Variants in PRDM15 observed in about 807,000 individuals in gnomAD.
PRDM15 encodes PR domain zinc finger protein 15.
PRDM15 carries 64 observed loss-of-function variants against 128.6 expected under a neutral mutation model. The observed-to-expected ratio is 0.50, with a 90% confidence interval of 0.41 to 0.61. The LOEUF (loss-of-function observed/expected upper bound fraction) is 0.61, where lower values mean the gene tolerates loss of function less well. Among genes scored for constraint, PRDM15 ranks in the 20% least tolerant of loss-of-function variants. The pLI is 0.00. For synonymous variants in PRDM15, 615 were observed against 621.8 expected (o/e 0.99, Z 0.16); for missense variants, 1,242 against 1,569.1 (o/e 0.79, Z 3.52).
intron 11 of PRDM15, among the ~76,000 whole-genome samples, chr21:41,830,325 T>C (rs1473395269): frequency 7.1e-6 from 1 of 141,672 alleles, no homozygotes; most frequent in Non-Finnish European, 1.5e-5. Flanking sequence ...ACTCAACACA[T>C]ACACCACACA....
At chr21:41,823,610 A>T (rs1229616911) in intron 13 of PRDM15, among the ~76,000 whole-genome samples, 161 bp from the exon 14 acceptor site, 1 of 152,224 alleles carries the variant, frequency 6.6e-6, no homozygotes. Context: ...AGACACAAAT[A>T]ATCACTGATG....
chr21:41,823,411 G>A lies in PRDM15; in HGVS notation c.1668C>T (p.Leu556=). The change falls in exon 14 of 24, where the codon CTC becomes CTT. Residue 556 remains leucine, a synonymous_variant. Transcript: ENST00000398548. Reference sequence around the variant, plus strand: ...AGGTGTACTTCTTGTCGCCGTGGGTGAGCAGGTGCTTGTTCATATTGCTCC... The same window carrying A: ...AGGTGTACTTCTTGTCGCCGTGGGTAAGCAGGTGCTTGTTCATATTGCTCC... ...SCRSNMNKHL[L]THGDKKYTCE... The A allele has an allele frequency of 6.4e-7, 1 of 1,561,156 alleles. No homozygotes were observed. Among genetic ancestry groups the A allele is most frequent in the African/African-American group, 1.4e-5 (1 of 73,518 alleles).
At chr21:41,861,915 G>A (rs761094485) in intron 1 of PRDM15, 6 of 1,612,156 alleles carry the variant, frequency 3.7e-6, no homozygotes, top group Non-Finnish European at 5.1e-6. Context: ...TTCTTTTCCT[G>A]GGAACACACA....
Position 41,844,629 on chromosome 21 carries a change from C to G in PRDM15, c.640+2461G>C, listed in dbSNP as rs1194987838. 9.1e-5 allele frequency among the ~76,000 whole-genome samples: 7 copies of G among 76,850 alleles called. No homozygotes were observed. In the East Asian group the frequency reaches 2.8e-3, roughly 30 times the overall value. 50.4% of individuals were successfully genotyped at this position (76,850 alleles called of 152,430 possible). ...CCCTCCCCCTCACAGGGACACACAG[C>G]CCCTCCCCCCTCACAGAGACACACA... On this transcript the variant is annotated intron_variant, in intron 6 of 23. Coordinates refer to ENST00000398548, the MANE Select transcript of PRDM15 (RefSeq NM_001040424.3).
At position 41,799,220 on chromosome 21, in the gene PRDM15, G is replaced by A. The variant is rs1026685988; in HGVS notation, c.*2020C>T. ...CCCAAAGCCCGTTGGGAGTCTCTGCGAGGTCATTTGCCCTTTAGATTCTGC... is the reference window on the plus strand; with the variant it reads ...CCCAAAGCCCGTTGGGAGTCTCTGCAAGGTCATTTGCCCTTTAGATTCTGC... On this transcript the variant is annotated 3_prime_UTR_variant, in exon 24 of 24. Transcript: ENST00000398548. The A allele has an allele frequency of 3.3e-5, 5 of 152,308 alleles. No homozygotes were observed. Among genetic ancestry groups the A allele is most frequent in the Non-Finnish European group, 7.4e-5 (5 of 68,024 alleles). The allele number at this position is 152,308 out of a possible 1,614,324, so 9.4% of individuals were successfully genotyped here.
chr21:41,847,118 G>T lies in PRDM15; in HGVS notation c.612C>A (p.Ala204=). 1 of 1,554,238 alleles carries T rather than the reference G, an allele frequency of 6.4e-7. No homozygotes were observed. The highest frequency in any genetic ancestry group is 2.4e-5 in the East Asian group (1 of 41,486). ...PSQWACKVCS[A]TFLELQLLNE... is the part of the protein sequence containing the mutation. ...TGAGGAGCTGCAGCTCCAGGAAGGT[G>T]GCAGAACACACTTTACACGCCCACT... Residue 204 remains alanine, a synonymous_variant, in exon 6 of 24, where the codon GCC becomes GCA. Transcript: ENST00000398548.
intron 12 of PRDM15, among the ~76,000 whole-genome samples, chr21:41,827,491 A>G (rs2062511851): frequency 6.6e-6 from 1 of 152,136 alleles, no homozygotes; most frequent in African/African-American, 2.4e-5. Context: ...CTGGCACTAC[A>G]AGTATGTGCC....
At chr21:41,847,229 A>G in intron 5 of PRDM15, 38 bp from the exon 6 acceptor site, 1 of 1,412,202 alleles carries the variant, frequency 7.1e-7, no homozygotes, top group Non-Finnish European at 9.8e-7. Context: ...GTGACCCCCA[A>G]GCAGCTCATA....
Position 41,836,204 on chromosome 21 carries a change from T to C in PRDM15, c.1187A>G (p.Asp396Gly). ...ACACTCTTCGCACTTAAACAGCTTG[T>C]CACCTGAGGAACCAACCAACAGAGA... Reference protein sequence around the residue: ...NLSRHVRSHGDKLFKCEECAK... With the variant: ...NLSRHVRSHGGKLFKCEECAK... Residue 396 changes from aspartate to glycine, a missense_variant, in exon 10 of 24, where the codon GAC becomes GGC. This residue lies in a region of PRDM15 where 612 missense variants were observed against 717.0 expected (regional missense o/e 0.85). Transcript: ENST00000398548. The C allele has an allele frequency of 6.2e-7, 1 of 1,613,830 alleles. No individual in the cohort carries two copies. Among genetic ancestry groups the C allele is most frequent in the Non-Finnish European group, 8.5e-7 (1 of 1,179,852 alleles).
chr21:41,840,062 T>C (rs2063026337), intron 6 of PRDM15, among the ~76,000 whole-genome samples: 1 of 152,118 alleles, frequency 6.6e-6, no homozygotes, highest in Non-Finnish European at 1.5e-5. Flanking sequence ...AAAGCAAGGG[T>C]AGGTTCACCA....
chr21:41,803,384 C>G (rs2061468892), intron 22 of PRDM15, among the ~76,000 whole-genome samples: 1 of 152,220 alleles, frequency 6.6e-6, no homozygotes, highest in South Asian at 2.1e-4. Context: ...GGAACGAGGG[C>G]CCAGCTGCAG....
At chr21:41,842,724 CG>C (rs897885191) in intron 6 of PRDM15, among the ~76,000 whole-genome samples, 7 of 150,632 alleles carry the variant, frequency 4.6e-5, no homozygotes, top group African/African-American at 1.7e-4. Context: ...CTCTTGACCT[CG>C]TGATCTGCCT....
chr21:41,828,383 T>C lies in PRDM15; in HGVS notation c.1367-50A>G, dbSNP rs556324134. The stretch of plus-strand genomic sequence containing the variant: ...CAACGATTTTGAGGTAAATAACATC[T>C]CACGCAGGCACGCACGTGTGGCCTG... On this transcript the variant is annotated intron_variant, in intron 11 of 23. Coordinates refer to ENST00000398548, the MANE Select transcript of PRDM15 (RefSeq NM_001040424.3). The surrounding 1 kb of genome is among the most constrained non-coding windows in gnomAD (Gnocchi z 5.7). 1.6e-4 allele frequency: 249 copies of C among 1,598,632 alleles called. No homozygotes were observed. The highest frequency in any genetic ancestry group is 2.1e-4 in the Non-Finnish European group (240 of 1,168,398).
At chr21:41,841,998 G>A (rs2063087614) in intron 6 of PRDM15, among the ~76,000 whole-genome samples, 1 of 152,174 alleles carries the variant, frequency 6.6e-6, no homozygotes, top group Admixed American at 6.5e-5. Context: ...ATGCTTACAT[G>A]AGAAAATAAA....
intron 12 of PRDM15, among the ~76,000 whole-genome samples, chr21:41,827,721 AT>A (rs1433910338): frequency 6.6e-6 from 1 of 151,978 alleles, no homozygotes; most frequent in African/African-American, 2.4e-5. Context: ...TTATAAAATA[AT>A]TTTTTCCAAA....
intron 1 of PRDM15, among the ~76,000 whole-genome samples, chr21:41,865,656 G>A (rs1325741331): frequency 1.3e-5 from 2 of 152,104 alleles, no homozygotes; most frequent in African/African-American, 4.8e-5. Flanking sequence ...CACATCCTCT[G>A]TGATCCCCCC....
At chr21:41,840,091 A>G (rs73219070) in intron 6 of PRDM15, among the ~76,000 whole-genome samples, 19,877 of 152,226 alleles carry the variant, frequency 0.13, 1,612 homozygotes, top group East Asian at 0.24. Context: ...GTTTAGTGAA[A>G]AAAGCAGACA....
rs2061666933 is a variant in PRDM15 at position 41,806,587 on chromosome 21, CCACCA to C, written c.2653-1978_2653-1974del. Reference sequence around the variant, plus strand: ...CATCACCATACCACCACCATCACCACCACCACCATTACTACCACCACCATCATCAC... The same window carrying C: ...CATCACCATACCACCACCATCACCACCCATTACTACCACCACCATCATCAC... On this transcript the variant is annotated intron_variant, in intron 21 of 23. Transcript: ENST00000398548. Among the ~76,000 whole-genome samples, 5 of 3,176 alleles carry C rather than the reference CCACCA, an allele frequency of 1.6e-3. 2 individuals carry two copies. The highest frequency in any genetic ancestry group is 1.8e-3 in the African/African-American group (2 of 1,094). 2.1% of individuals were successfully genotyped at this position (3,176 alleles called of 152,430 possible).
intron 8 of PRDM15, 164 bp from the exon 9 acceptor site, chr21:41,836,813 T>C: frequency 1.8e-6 from 1 of 563,030 alleles, no homozygotes; most frequent in Non-Finnish European, 3.2e-6. Flanking sequence ...TTCCAGGGCA[T>C]CTGAAAGGGA....
Sources: gnomAD v4.1 joint callset for allele counts (sites outside exome capture counted in the v4.1 genomes callset) on GRCh38, gnomAD v4.1.1 for gene constraint, gnomAD v4.1.1 regional missense constraint, Gnocchi (gnomAD v3.1) non-coding constraint, MANE v1.5 for transcripts, NCBI Gene and HGNC (gene_info 2026-07-23, HGNC 2026-07-21) for gene names.